Variants in CLIC4 observed in about 807,000 individuals in gnomAD.
CLIC4 encodes the protein CLIC family member 4.
CLIC4 carries 13 observed loss-of-function variants against 24.6 expected under a neutral mutation model. The ratio of observed to expected loss-of-function variants is 0.53; its 90% CI spans 0.34 to 0.84. CLIC4 has a LOEUF of 0.84. CLIC4 is among the 40% of genes least tolerant of loss of function. The pLI is 0.01. For missense variants in CLIC4, 227 were observed against 301.7 expected, an observed-to-expected ratio of 0.75 and a Z score of 1.83; for synonymous variants, 104 against 111.3, an observed-to-expected ratio of 0.93 and a Z score of 0.41.
intron 1 of CLIC4, among the ~76,000 whole-genome samples, chr1:24,770,780 A>G (rs1448649005): frequency 4.6e-5 from 7 of 151,764 alleles, no homozygotes; most frequent in African/African-American, 1.4e-4. Context: ...TCTTTGTCAC[A>G]TATTTTTACT....
chr1:24,745,880 A>C (rs1375922088), intron 1 of CLIC4, among the ~76,000 whole-genome samples: 1 of 151,178 alleles, frequency 6.6e-6, no homozygotes. Flanking sequence ...CGGACGCCAG[A>C]CCAGCGTCCC....
intron 1 of CLIC4, among the ~76,000 whole-genome samples, chr1:24,784,964 A>T (rs1474994462): frequency 6.7e-6 from 1 of 149,182 alleles, no homozygotes; most frequent in Non-Finnish European, 1.5e-5. Context: ...AGATCGCGCC[A>T]CTGCACTCCA....
intron 2 of CLIC4, among the ~76,000 whole-genome samples, chr1:24,803,380 A>C (rs1267461947): frequency 6.6e-6 from 1 of 152,184 alleles, no homozygotes; most frequent in Non-Finnish European, 1.5e-5. Flanking sequence ...ATTTGAAAAA[A>C]ATGATTGTTA....
chr1:24,772,928 G>A (rs1187740089), intron 1 of CLIC4, among the ~76,000 whole-genome samples: 1 of 152,076 alleles, frequency 6.6e-6, no homozygotes, highest in African/African-American at 2.4e-5. Context: ...TTTCATGATT[G>A]CAGTTTTTCA....
intron 2 of CLIC4, among the ~76,000 whole-genome samples, chr1:24,800,436 G>T (rs1171593888): frequency 3.3e-4 from 49 of 150,188 alleles, no homozygotes; most frequent in Non-Finnish European, 5.7e-4. Context: ...CGTCTGGGAG[G>T]GAGGTGGAGG....
chr1:24,813,747 G>A (rs535983901), intron 2 of CLIC4, among the ~76,000 whole-genome samples: 2 of 148,798 alleles, frequency 1.3e-5, no homozygotes, highest in Non-Finnish European at 3.0e-5. Context: ...TTGAGACAGG[G>A]TCTCTCTGTC....
chr1:24,824,996 T>TCACACACA (rs3220273), intron 3 of CLIC4, among the ~76,000 whole-genome samples: 4,297 of 133,874 alleles, frequency 0.032, 85 homozygotes, highest in Non-Finnish European at 0.038. Context: ...GGAGACCCTG[T>TCACACACA]CACACACACA....
chr1:24,817,387 A>C (rs1639682536), intron 3 of CLIC4, among the ~76,000 whole-genome samples: 1 of 152,130 alleles, frequency 6.6e-6, no homozygotes, highest in Non-Finnish European at 1.5e-5. Context: ...TTTATGTTAC[A>C]AAGATGGCCT....
intron 1 of CLIC4, among the ~76,000 whole-genome samples, chr1:24,780,517 C>T (rs1445144923): frequency 6.6e-6 from 1 of 152,202 alleles, no homozygotes; most frequent in African/African-American, 2.4e-5. Context: ...TGGCTCTTTG[C>T]ATGGCTGTTT....
intron 1 of CLIC4, among the ~76,000 whole-genome samples, chr1:24,752,567 C>A (rs1181597779): frequency 6.6e-6 from 1 of 152,184 alleles, no homozygotes; most frequent in Non-Finnish European, 1.5e-5. Flanking sequence ...CTACCTGTTA[C>A]TTCCGGTCAC....
chr1:24,838,874 A>G (rs1213770421), intron 4 of CLIC4, among the ~76,000 whole-genome samples: 5 of 152,182 alleles, frequency 3.3e-5, no homozygotes, highest in Non-Finnish European at 1.5e-5. Context: ...CAGATCTTCT[A>G]TTATCCTTTC....
intron 1 of CLIC4, among the ~76,000 whole-genome samples, chr1:24,750,459 G>A (rs1326553360): frequency 1.1e-4 from 16 of 144,044 alleles, no homozygotes; most frequent in East Asian, 8.0e-4. Flanking sequence ...TTTTTAAGAC[G>A]GAGTTTCGCT....
At chr1:24,797,645 T>G in intron 1 of CLIC4, 97 bp from the exon 2 acceptor site, 1 of 778,412 alleles carries the variant, frequency 1.3e-6, no homozygotes, top group South Asian at 2.3e-5. Context: ...TAACTTTTCC[T>G]GGCTTCTTGT....
chr1:24,810,363 A>G (rs1437132981), intron 2 of CLIC4, among the ~76,000 whole-genome samples: 1 of 152,194 alleles, frequency 6.6e-6, no homozygotes, highest in Admixed American at 6.5e-5. Context: ...CATTCAGCTG[A>G]AAGGTAGATT....
chr1:24,826,566 G>C (rs1255216180), intron 3 of CLIC4, among the ~76,000 whole-genome samples: 1 of 152,320 alleles, frequency 6.6e-6, no homozygotes, highest in East Asian at 1.9e-4. Context: ...TTTTGTTTGT[G>C]ATTAATTTAA....
intron 1 of CLIC4, among the ~76,000 whole-genome samples, chr1:24,752,708 C>T (rs2124078952): frequency 6.6e-6 from 1 of 152,280 alleles, no homozygotes; most frequent in African/African-American, 2.4e-5. Context: ...CTGCTTTTGT[C>T]ATCGATAATA....
intron 2 of CLIC4, among the ~76,000 whole-genome samples, chr1:24,803,435 A>G (rs1639513080): frequency 6.6e-6 from 1 of 152,196 alleles, no homozygotes. Context: ...TAGTTCTGGC[A>G]CTGTATGACA....
chr1:24,791,847 G>T (rs1486574650), intron 1 of CLIC4, among the ~76,000 whole-genome samples: 1 of 151,820 alleles, frequency 6.6e-6, no homozygotes, highest in Non-Finnish European at 1.5e-5. Flanking sequence ...TTGCACTCCA[G>T]CCTGGGTGAC....
At chr1:24,768,134 C>T (rs951130163) in intron 1 of CLIC4, among the ~76,000 whole-genome samples, 1 of 152,090 alleles carries the variant, frequency 6.6e-6, no homozygotes, top group Non-Finnish European at 1.5e-5. Flanking sequence ...AGCCACCACG[C>T]CCAGCCAAAA....
Sources: allele counts gnomAD v4.1 joint callset (sites outside exome capture counted in the v4.1 genomes callset), GRCh38; gene constraint gnomAD v4.1.1; transcripts MANE v1.5; gene names NCBI Gene and HGNC (gene_info 2026-07-23, HGNC 2026-07-21).